The following CFAP44 variants were observed in gnomAD, a reference collection of about 807,000 sequenced individuals.
The protein encoded by CFAP44 is cilia- and flagella-associated protein 44.
Under a neutral mutation model 216.2 loss-of-function variants are expected in CFAP44, and 134 were observed. The ratio of observed to expected loss-of-function variants is 0.62; its 90% CI spans 0.54 to 0.72. The LOEUF (loss-of-function observed/expected upper bound fraction) is 0.72. CFAP44 is among the 30% of genes least tolerant of loss of function. CFAP44 has a pLI of 0.00. For missense variants in CFAP44, 2,035 were observed against 2,182.1 expected, an observed-to-expected ratio of 0.93 and a Z score of 1.34; for synonymous variants, 700 against 727.6, an observed-to-expected ratio of 0.96 and a Z score of 0.61.
intron 1 of CFAP44, chr3:113,434,026 C>A: frequency 5.2e-6 from 1 of 190,880 alleles, no homozygotes. Flanking sequence ...TCTCTATTTT[C>A]AAATTCCCTT....
rs7621094 is a variant in CFAP44, at chr3:113,307,508, T to C, written c.4627+650A>G. Among the ~76,000 whole-genome samples the C allele has an allele frequency of 5.3e-3, 802 of 152,336 alleles. 7 individuals are homozygous for C. The highest frequency in any genetic ancestry group is 7.8e-3 in the Non-Finnish European group (531 of 68,024). On this transcript the variant is annotated intron_variant, in intron 29 of 34. Coordinates refer to ENST00000393845, the MANE Select transcript of CFAP44 (RefSeq NM_001164496.2). ...TCCCTTCATTTCTTTTCCCATAGTATGTACCACCTTCTAAGATTCTGTTTA... is the reference window on the plus strand; with the variant it reads ...TCCCTTCATTTCTTTTCCCATAGTACGTACCACCTTCTAAGATTCTGTTTA...
At chr3:113,428,671 A>G (rs1341143972) in intron 2 of CFAP44, among the ~76,000 whole-genome samples, 8 of 152,352 alleles carry the variant, frequency 5.3e-5, no homozygotes, top group African/African-American at 1.9e-4. Context: ...AGAAGCAGTT[A>G]AAACCTGAAA....
intron 32 of CFAP44, 28 bp from the exon 33 acceptor site, chr3:113,296,913 T>TG: frequency 6.5e-7 from 1 of 1,537,004 alleles, no homozygotes; most frequent in South Asian, 1.2e-5. Flanking sequence ...CTGGCTCAGG[T>TG]TGTTCAATGG....
chr3:113,428,086 C>T (rs566044119), intron 2 of CFAP44, among the ~76,000 whole-genome samples: 11 of 152,270 alleles, frequency 7.2e-5, no homozygotes, highest in South Asian at 4.1e-4. Context: ...CCTTAGGATG[C>T]GTGTATTTGG....
In CFAP44 at chr3:113,358,892, C is replaced by G. The variant is rs187714175; in HGVS notation, c.2935-17G>C. ...ATCAAAATCCTGCAGATAAGAAGAT[C>G]TGTTCATCAAAATGGGTACTGTATC... On this transcript the variant is annotated splice_polypyrimidine_tract_variant and intron_variant, in intron 21 of 34. Coordinates refer to ENST00000393845, the MANE Select transcript of CFAP44 (RefSeq NM_001164496.2). 100 of 1,534,252 alleles carry G rather than the reference C, an allele frequency of 6.5e-5. No homozygotes were observed. The East Asian group carries it at 2.3e-3, about 36-fold the overall frequency.
At chr3:113,430,033 T>G (rs1935062075) in intron 2 of CFAP44, among the ~76,000 whole-genome samples, 1 of 152,092 alleles carries the variant, frequency 6.6e-6, no homozygotes, top group African/African-American at 2.4e-5. Flanking sequence ...CATTCAAGCA[T>G]ACATGGGTCA....
At chr3:113,386,250 A>C (rs1933647108) in intron 15 of CFAP44, among the ~76,000 whole-genome samples, 1 of 152,170 alleles carries the variant, frequency 6.6e-6, no homozygotes, top group African/African-American at 2.4e-5. Context: ...TTTGCATGGA[A>C]TGTCTTTTTT....
At chr3:113,380,797 T>A in intron 16 of CFAP44, 102 bp downstream of exon 16, 1 of 992,924 alleles carries the variant, frequency 1.0e-6, no homozygotes, top group Non-Finnish European at 1.4e-6. Context: ...TCAGGGCCTA[T>A]GTTTTATTCT....
At chr3:113,318,271 A>T (rs1479107086) in intron 28 of CFAP44, among the ~76,000 whole-genome samples, 2 of 152,124 alleles carry the variant, frequency 1.3e-5, no homozygotes, top group Admixed American at 1.3e-4. Flanking sequence ...GAGCTAAAAA[A>T]CTCACTACAA....
At chr3:113,357,235 T>G (rs1950499961) in intron 22 of CFAP44, among the ~76,000 whole-genome samples, 1 of 151,978 alleles carries the variant, frequency 6.6e-6, no homozygotes, top group Admixed American at 6.6e-5. Context: ...TGGATTTGTG[T>G]CCCCCCAAAA....
At chr3:113,422,182 A>G (rs1004768190) in intron 4 of CFAP44, among the ~76,000 whole-genome samples, 5 of 152,184 alleles carry the variant, frequency 3.3e-5, no homozygotes, top group African/African-American at 1.2e-4. Context: ...GCTTAAGCAG[A>G]TAGATTCTTT....
At chr3:113,370,798 T>C (rs1933127461) in intron 18 of CFAP44, among the ~76,000 whole-genome samples, 1 of 152,186 alleles carries the variant, frequency 6.6e-6, no homozygotes, top group Non-Finnish European at 1.5e-5. Flanking sequence ...TTGTCCCTGT[T>C]TGCAGATGAC....
chr3:113,358,449 C>A (rs1196633170), intron 22 of CFAP44, among the ~76,000 whole-genome samples: 5 of 151,986 alleles, frequency 3.3e-5, no homozygotes, highest in Non-Finnish European at 7.4e-5. Context: ...TTAATACATA[C>A]ATGTTCATTA....
chr3:113,392,474 GA>G (rs35815146), intron 15 of CFAP44, among the ~76,000 whole-genome samples: 62,737 of 151,276 alleles, frequency 0.41, 13,347 homozygotes, highest in East Asian at 0.52. Context: ...TACATAGAAT[GA>G]ATAAGATATA....
intron 22 of CFAP44, among the ~76,000 whole-genome samples, chr3:113,350,647 A>G (rs1202110625): frequency 6.6e-6 from 1 of 152,226 alleles, no homozygotes; most frequent in African/African-American, 2.4e-5. Context: ...TAGCCTTCCT[A>G]TCAGAGATCC....
At chr3:113,317,282 G>A (rs1950097260) in intron 28 of CFAP44, among the ~76,000 whole-genome samples, 1 of 152,218 alleles carries the variant, frequency 6.6e-6, no homozygotes, top group Admixed American at 6.5e-5. Context: ...GAGTGCCTTT[G>A]TGCATTGGGC....
chr3:113,336,768 G>A (rs1186068870), intron 24 of CFAP44, among the ~76,000 whole-genome samples: 1 of 151,840 alleles, frequency 6.6e-6, no homozygotes, highest in Non-Finnish European at 1.5e-5. Flanking sequence ...TGGGCAGCAT[G>A]GATTTAAAAA....
chr3:113,296,616 C>T (rs113704467), intron 33 of CFAP44, 109 bp downstream of exon 33: 32 of 1,307,760 alleles, frequency 2.4e-5, no homozygotes, highest in Admixed American at 2.0e-4. Context: ...AGGGGGCTCG[C>T]GGACCAGCTC....
Position 113,366,066 on chromosome 3 carries a change from G to A in CFAP44, c.2688C>T (p.Asp896=), listed in dbSNP as rs1043825242. Residue 896 remains aspartate, a synonymous_variant, in exon 19 of 35, where the codon GAC becomes GAT. Transcript: ENST00000393845. The part of the protein sequence containing the change: ...NIFSEFMLRK[D]MKAKVPSPRF... ...TGGGAGATGGAACTTTGGCCTTCAT[G>A]TCTTTCCTTAGCATAAATTCAGAAA... 1 of 1,613,158 alleles carries A rather than the reference G, an allele frequency of 6.2e-7. No homozygotes were observed. Among genetic ancestry groups the A allele is most frequent in the Non-Finnish European group, 8.5e-7 (1 of 1,179,402 alleles).
Sources: allele counts gnomAD v4.1 joint callset (sites outside exome capture counted in the v4.1 genomes callset), GRCh38; gene constraint gnomAD v4.1.1; transcripts MANE v1.5; gene names NCBI Gene and HGNC (gene_info 2026-07-23, HGNC 2026-07-21).